Variants in GNAQ observed in about 807,000 individuals in gnomAD.
GNAQ encodes guanine nucleotide-binding protein G(q) subunit alpha.
In GNAQ, 8 loss-of-function variants were observed where a neutral mutation model predicts 43.9. That is an observed-to-expected ratio of 0.18 (90% CI 0.11 to 0.33). The LOEUF is 0.33. Ranked by LOEUF, GNAQ falls within the 10% of genes least tolerant of loss-of-function variation. The pLI is 1.00. For synonymous variants in GNAQ, 155 were observed against 170.7 expected, an observed-to-expected ratio of 0.91 and a Z score of 0.71; for missense variants, 158 against 450.8, an observed-to-expected ratio of 0.35 and a Z score of 5.88.
chr9:77,744,892 C>A (rs1825706627), intron 5 of GNAQ, among the ~76,000 whole-genome samples: 2 of 151,700 alleles, frequency 1.3e-5, no homozygotes, highest in African/African-American at 2.4e-5. Flanking sequence ...GAAAATGAAA[C>A]AACAATAACA....
At chr9:77,977,049 C>T (rs1823311842) in intron 1 of GNAQ, among the ~76,000 whole-genome samples, 2 of 152,176 alleles carry the variant, frequency 1.3e-5, no homozygotes, top group East Asian at 3.8e-4. Context: ...GGATTTCACA[C>T]CTGCTGGGAG....
intron 5 of GNAQ, among the ~76,000 whole-genome samples, chr9:77,778,811 G>A (rs957169472): frequency 1.3e-5 from 2 of 151,918 alleles, no homozygotes; most frequent in African/African-American, 4.8e-5. Flanking sequence ...GACAAAGCAG[G>A]CTTCAAAGTA....
At chr9:77,784,051 T>C (rs992950209) in intron 5 of GNAQ, among the ~76,000 whole-genome samples, 1 of 152,098 alleles carries the variant, frequency 6.6e-6, no homozygotes, top group Non-Finnish European at 1.5e-5. Context: ...GTGGGAGATA[T>C]AAAAATAAGT....
rs34222702 is a variant in GNAQ, at chr9:78,019,923, C to CAA, written c.136+11175_136+11176dup. On this transcript the variant is annotated intron_variant, in intron 1 of 6. Transcript: ENST00000286548. ...TGGGTGACAGAGTGAGACTCCATCT[C>CAA]AAAAAAAAAAAAAAAAAAAGAAAGA... Among the ~76,000 whole-genome samples, 664 of 93,710 alleles carry CAA rather than the reference C, an allele frequency of 7.1e-3. 12 individuals carry two copies. The highest frequency in any genetic ancestry group is 0.011 in the African/African-American group (259 of 23,858). The allele number at this position is 93,710 out of a possible 152,430, so 61.5% of individuals were successfully genotyped here.
Position 77,843,734 on chromosome 9 carries a change from C to T in GNAQ, c.322-27964G>A, listed in dbSNP as rs7024688. On this transcript the variant is annotated intron_variant, in intron 2 of 6. Coordinates refer to ENST00000286548, the MANE Select transcript of GNAQ (RefSeq NM_002072.5). ...GGTTTCTTTGGAAATATAATGAACA[C>T]ACAAACATGGGGATGTAATTTCTTT... Among the ~76,000 whole-genome samples the T allele has an allele frequency of 2.6e-3, 393 of 152,278 alleles. 1 individual carries two copies. The highest frequency in any genetic ancestry group is 9.0e-3 in the African/African-American group (374 of 41,568).
chr9:77,733,987 CTAGCTT>C (rs1825534919), intron 5 of GNAQ, among the ~76,000 whole-genome samples: 1 of 152,178 alleles, frequency 6.6e-6, no homozygotes, highest in Non-Finnish European at 1.5e-5. Context: ...CAGCTGGAAG[CTAGCTT>C]TCTTCAGGCT....
intron 1 of GNAQ, among the ~76,000 whole-genome samples, chr9:78,028,711 A>G (rs915334291): frequency 1.3e-5 from 2 of 152,252 alleles, no homozygotes; most frequent in South Asian, 4.1e-4. Context: ...GATAGAAGGA[A>G]CCAGAACATT....
intron 5 of GNAQ, among the ~76,000 whole-genome samples, chr9:77,736,848 G>T (rs1256871096): frequency 1.3e-5 from 2 of 152,154 alleles, no homozygotes; most frequent in South Asian, 4.1e-4. Context: ...AGGACTAACA[G>T]AGATGAACGG....
intron 2 of GNAQ, among the ~76,000 whole-genome samples, chr9:77,906,196 G>C (rs745397863): frequency 6.6e-6 from 1 of 152,132 alleles, no homozygotes; most frequent in Non-Finnish European, 1.5e-5. Context: ...CCAGTTTAAT[G>C]ATTTGAAAAT....
chr9:78,002,669 A>C (rs2118556044), intron 1 of GNAQ, among the ~76,000 whole-genome samples: 1 of 152,346 alleles, frequency 6.6e-6, no homozygotes, highest in Non-Finnish European at 1.5e-5. Context: ...TACATCTGAC[A>C]GGGACTGCAT....
chr9:77,988,665 G>A (rs571086323), intron 1 of GNAQ, among the ~76,000 whole-genome samples: 1 of 152,246 alleles, frequency 6.6e-6, no homozygotes, highest in Non-Finnish European at 1.5e-5. Flanking sequence ...GGCAGTGTGT[G>A]CAAGTGACAA....
chr9:77,822,719 C>T (rs1430620545), intron 2 of GNAQ, among the ~76,000 whole-genome samples: 1 of 151,034 alleles, frequency 6.6e-6, no homozygotes, highest in Non-Finnish European at 1.5e-5. Context: ...GAAATCTGAC[C>T]ACTGAAGCTT....
chr9:77,902,082 C>G (rs1828625087), intron 2 of GNAQ, among the ~76,000 whole-genome samples: 1 of 152,202 alleles, frequency 6.6e-6, no homozygotes, highest in African/African-American at 2.4e-5. Flanking sequence ...CACACCATAA[C>G]AAGTTACCTA....
chr9:78,024,669 G>A (rs1382757930), intron 1 of GNAQ, among the ~76,000 whole-genome samples: 1 of 152,172 alleles, frequency 6.6e-6, no homozygotes, highest in Non-Finnish European at 1.5e-5. Context: ...TCAGTACGAG[G>A]ACATCAGCTA....
At chr9:77,918,880 G>A (rs1459534011) in intron 2 of GNAQ, among the ~76,000 whole-genome samples, 1 of 152,178 alleles carries the variant, frequency 6.6e-6, no homozygotes. Flanking sequence ...ATTTCGACAA[G>A]TTTAGGGCAG....
At chr9:77,800,365 C>G (rs1451625469) in intron 3 of GNAQ, among the ~76,000 whole-genome samples, 1 of 151,928 alleles carries the variant, frequency 6.6e-6, no homozygotes, top group East Asian at 1.9e-4. Context: ...AAATGTGGCA[C>G]ATATACACCA....
intron 2 of GNAQ, among the ~76,000 whole-genome samples, chr9:77,841,901 T>C (rs1827497787): frequency 6.6e-6 from 1 of 152,198 alleles, no homozygotes; most frequent in African/African-American, 2.4e-5. Flanking sequence ...TGTCTTCAAG[T>C]TGGGAGTGCC....
chr9:77,812,694 G>T (rs1253614088), intron 3 of GNAQ, among the ~76,000 whole-genome samples: 2 of 151,946 alleles, frequency 1.3e-5, no homozygotes, highest in Admixed American at 1.3e-4. Context: ...ATGATAAAAA[G>T]AACTTAATTA....
At chr9:77,835,432 T>C (rs972841557) in intron 2 of GNAQ, among the ~76,000 whole-genome samples, 16 of 152,148 alleles carry the variant, frequency 1.1e-4, no homozygotes, top group African/African-American at 3.9e-4. Flanking sequence ...GGAAAGGAAA[T>C]CTAATACTTT....
Sources: gnomAD v4.1 joint callset for allele counts (sites outside exome capture counted in the v4.1 genomes callset) on GRCh38, gnomAD v4.1.1 for gene constraint, MANE v1.5 for transcripts, NCBI Gene and HGNC (gene_info 2026-07-23, HGNC 2026-07-21) for gene names.